The following EVC2 variants were observed in gnomAD, a reference collection of about 807,000 sequenced individuals.
EVC2 encodes the protein EvC ciliary complex subunit 2, also known as limbin.
Under a neutral mutation model 149.3 loss-of-function variants are expected in EVC2, and 148 were observed. The ratio of observed to expected loss-of-function variants is 0.99; its 90% CI spans 0.87 to 1.14. The LOEUF (loss-of-function observed/expected upper bound fraction) is 1.14, where lower values mean the gene tolerates loss of function less well. Among genes scored for constraint, EVC2 ranks in the 50% most tolerant of loss-of-function variants. The pLI, the probability that EVC2 is intolerant of heterozygous loss-of-function variation, is 0.00. For missense variants in EVC2, 1,854 were observed against 1,627.3 expected, an observed-to-expected ratio of 1.14 and a Z score of -2.40; for synonymous variants, 776 against 649.9, an observed-to-expected ratio of 1.19 and a Z score of -2.95.
At chr4:5,699,642 CAAAAAAA>C (rs773633372) in intron 1 of EVC2, among the ~76,000 whole-genome samples, 15 of 111,718 alleles carry the variant, frequency 1.3e-4, no homozygotes, top group African/African-American at 5.0e-4. Flanking sequence ...TCCATCTCTA[CAAAAAAA>C]AAAAAAAAAG....
intron 16 of EVC2, among the ~76,000 whole-genome samples, chr4:5,592,444 C>A (rs973298924): frequency 6.6e-6 from 1 of 152,142 alleles, no homozygotes; most frequent in Non-Finnish European, 1.5e-5. Flanking sequence ...GGTAACTAGT[C>A]AGATGTGAGC....
At chr4:5,565,233 C>A (rs1302884456) in intron 21 of EVC2, 25 bp downstream of exon 21, 1 of 1,609,986 alleles carries the variant, frequency 6.2e-7, no homozygotes, top group Non-Finnish European at 8.5e-7. Context: ...CCTCCCCAGC[C>A]ACATGAGCAG....
the EVC2 span, among the ~76,000 whole-genome samples, chr4:5,536,588 T>C: frequency 3.9e-5 from 6 of 152,040 alleles, no homozygotes; most frequent in East Asian, 1.2e-3. Flanking sequence ...ATCGAGACCA[T>C]CTTGGCTAAC....
At chr4:5,610,704 G>A (rs1469334259) in intron 16 of EVC2, among the ~76,000 whole-genome samples, 4 of 151,892 alleles carry the variant, frequency 2.6e-5, no homozygotes, top group Non-Finnish European at 5.9e-5. Context: ...AGGCTCACCT[G>A]CCGGGCTCAC....
intron 21 of EVC2, among the ~76,000 whole-genome samples, chr4:5,555,881 A>G (rs1721829140): frequency 1.3e-5 from 2 of 152,142 alleles, no homozygotes; most frequent in African/African-American, 2.4e-5. Context: ...GATAGGCCAC[A>G]TAACGACAAA....
chr4:5,691,419 T>C, intron 3 of EVC2, 86 bp from the exon 4 acceptor site: 6 of 1,115,946 alleles, frequency 5.4e-6, no homozygotes, highest in Non-Finnish European at 8.0e-6. Flanking sequence ...ATGAAATTTT[T>C]ACAGAGGGTA....
In EVC2 at chr4:5,636,603, C is replaced by A. The variant is rs948680084; in HGVS notation, c.1470+3911G>T. Reference sequence around the variant, plus strand: ...GTGTAGGTTATGTGCAAATACGACACCATTTTATAACAGAGACTTGAGAAT... The same window carrying A: ...GTGTAGGTTATGTGCAAATACGACAACATTTTATAACAGAGACTTGAGAAT... On this transcript the variant is annotated intron_variant, in intron 10 of 21. Coordinates refer to ENST00000344408, the MANE Select transcript of EVC2 (RefSeq NM_147127.5). The surrounding 1 kb of genome is among the most constrained non-coding windows in gnomAD (Gnocchi z 4.6). Among the ~76,000 whole-genome samples, 6 of 152,062 alleles carry A rather than the reference C, an allele frequency of 3.9e-5. No individual in the cohort carries two copies. Among genetic ancestry groups the A allele is most frequent in the African/African-American group, 1.4e-4 (6 of 41,406 alleles).
rs1722329545 is a variant in EVC2 at position 5,567,016 on chromosome 4, C to T, written c.3557+1428G>A. Among the ~76,000 whole-genome samples the T allele has an allele frequency of 6.6e-6, 1 of 152,098 alleles. No individual in the cohort carries two copies. The highest frequency in any genetic ancestry group is 6.5e-5 in the Admixed American group (1 of 15,284). ...TGGCTCCTAATATTCCATGGAGGAG[C>T]GTAGCATAGAGCATGTAACTGTCAT... is the stretch of plus-strand genomic sequence containing the variant. On this transcript the variant is annotated intron_variant, in intron 20 of 21. Coordinates refer to ENST00000344408, the MANE Select transcript of EVC2 (RefSeq NM_147127.5). The surrounding 1 kb of genome is among the most constrained non-coding windows in gnomAD (Gnocchi z 4.4).
intron 19 of EVC2, among the ~76,000 whole-genome samples, chr4:5,572,843 G>A (rs148435941): frequency 3.6e-4 from 55 of 152,210 alleles, no homozygotes; most frequent in African/African-American, 1.1e-3. Context: ...GCTCAGTTAC[G>A]CAGAGACATA....
intron 16 of EVC2, among the ~76,000 whole-genome samples, chr4:5,611,836 C>T (rs997796016): frequency 6.6e-6 from 1 of 152,084 alleles, no homozygotes; most frequent in Non-Finnish European, 1.5e-5. Context: ...GATTATAGGG[C>T]CTGAGTCATG....
chr4:5,564,891 C>T (rs1289277302), intron 21 of EVC2, among the ~76,000 whole-genome samples: 1 of 152,176 alleles, frequency 6.6e-6, no homozygotes, highest in Non-Finnish European at 1.5e-5. Context: ...TTCTGACCTC[C>T]CTGAGCTTCC....
At chr4:5,596,920 G>C (rs1285376021) in intron 16 of EVC2, among the ~76,000 whole-genome samples, 5 of 152,194 alleles carry the variant, frequency 3.3e-5, no homozygotes, top group Non-Finnish European at 4.4e-5. Context: ...ACTACCATCA[G>C]AGAATACTAC....
chr4:5,538,545 G>C (rs1276509406), downstream of EVC2, among the ~76,000 whole-genome samples: 1 of 151,992 alleles, frequency 6.6e-6, no homozygotes. Flanking sequence ...AATATTCCTC[G>C]TGAACTTAGA....
intron 9 of EVC2, among the ~76,000 whole-genome samples, chr4:5,652,314 C>T (rs4610276): frequency 0.14 from 21,579 of 152,026 alleles, 1,597 homozygotes; most frequent in Middle Eastern, 0.17. Context: ...ACAATTCAGC[C>T]GGTTGTTTGT....
intron 1 of EVC2, among the ~76,000 whole-genome samples, chr4:5,700,272 TAC>T (rs1347803470): frequency 1.3e-5 from 2 of 152,224 alleles, no homozygotes; most frequent in Non-Finnish European, 2.9e-5. Flanking sequence ...TTCTAAAAAT[TAC>T]AGTCTATTAC....
chr4:5,604,089 T>C (rs768979479), intron 16 of EVC2, among the ~76,000 whole-genome samples: 1 of 152,140 alleles, frequency 6.6e-6, no homozygotes, highest in East Asian at 1.9e-4. Context: ...GAAATGGAGA[T>C]AGTAATAGTT....
chr4:5,621,261 CA>C lies in EVC2; in HGVS notation c.2501+1275del, dbSNP rs758675234. 6.6e-4 allele frequency among the ~76,000 whole-genome samples: 101 copies of C among 152,312 alleles called. 1 individual carries two copies. The highest frequency in any genetic ancestry group is 1.8e-3 in the Admixed American group (27 of 15,306). On this transcript the variant is annotated intron_variant, in intron 14 of 21. Coordinates refer to ENST00000344408, the MANE Select transcript of EVC2 (RefSeq NM_147127.5). ...CTTCTACAAGGGAGGAGGGAAATTG[CA>C]GACAGATCCTATGTCCATTAAAGCA...
chr4:5,653,296 C>T (rs1424179264), intron 9 of EVC2, among the ~76,000 whole-genome samples: 1 of 152,210 alleles, frequency 6.6e-6, no homozygotes, highest in Non-Finnish European at 1.5e-5. Flanking sequence ...ACAATTCCAC[C>T]CATGACAGCA....
chr4:5,704,365 G>A (rs544209986), intron 1 of EVC2, among the ~76,000 whole-genome samples: 3 of 152,226 alleles, frequency 2.0e-5, no homozygotes, highest in East Asian at 1.9e-4. Flanking sequence ...CAAGGCCTCT[G>A]GGCCCAGCAA....
Sources: allele counts gnomAD v4.1 joint callset (sites outside exome capture counted in the v4.1 genomes callset), GRCh38; gene constraint gnomAD v4.1.1; non-coding constraint Gnocchi (gnomAD v3.1); transcripts MANE v1.5; gene names NCBI Gene and HGNC (gene_info 2026-07-23, HGNC 2026-07-21).